The following OR4N2 variants were observed in gnomAD, a reference collection of about 807,000 sequenced individuals.
The protein encoded by OR4N2 is olfactory receptor family 4 subfamily N member 2.
For synonymous variants in OR4N2, 141 were observed against 140.4 expected (o/e 1.00, Z -0.03); for missense variants, 307 against 377.6 (o/e 0.81, Z 1.55).
chr14:19,820,486 G>C (rs1227080531), intron 1 of OR4N2, among the ~76,000 whole-genome samples: 1 of 152,212 alleles, frequency 6.6e-6, no homozygotes. Flanking sequence ...TCCCTTCAGA[G>C]ATGGCAGGCA....
intron 1 of OR4N2, among the ~76,000 whole-genome samples, chr14:19,814,239 T>C (rs1462353037): frequency 1.3e-5 from 2 of 152,246 alleles, no homozygotes; most frequent in African/African-American, 4.8e-5. Context: ...ATGTTTTTCA[T>C]CCTTGTTTTA....
At chr14:19,815,759 A>G (rs1300100456) in intron 1 of OR4N2, among the ~76,000 whole-genome samples, 1 of 150,700 alleles carries the variant, frequency 6.6e-6, no homozygotes, top group Non-Finnish European at 1.5e-5. Flanking sequence ...TGTTTTAGTC[A>G]TGAAGTCTTT....
At chr14:19,824,705 A>G (rs1190238889) in intron 1 of OR4N2, among the ~76,000 whole-genome samples, 1 of 152,226 alleles carries the variant, frequency 6.6e-6, no homozygotes. Flanking sequence ...GAACTTTATG[A>G]TGATGCATTT....
At chr14:19,804,189 C>T (rs1230163928) in intron 1 of OR4N2, among the ~76,000 whole-genome samples, 2 of 151,882 alleles carry the variant, frequency 1.3e-5, no homozygotes, top group East Asian at 1.9e-4. Context: ...TTTTGCATCT[C>T]AATTTCTTTC....
chr14:19,825,071 G>C (rs1394748376), intron 1 of OR4N2, among the ~76,000 whole-genome samples: 5 of 152,396 alleles, frequency 3.3e-5, no homozygotes, highest in Non-Finnish European at 7.3e-5. Flanking sequence ...GAAAGGTTAA[G>C]ACATGAGCAG....
At chr14:19,804,436 C>G (rs1307069771) in intron 1 of OR4N2, among the ~76,000 whole-genome samples, 1 of 152,164 alleles carries the variant, frequency 6.6e-6, no homozygotes, top group Non-Finnish European at 1.5e-5. Context: ...AATTTCTTGA[C>G]TTCTGCCTGA....
At chr14:19,803,933 G>T (rs1236931168) in intron 1 of OR4N2, 89 bp downstream of exon 1, 1 of 152,208 alleles carries the variant, frequency 6.6e-6, no homozygotes. Flanking sequence ...AATCTTAGGA[G>T]GTTGTATGTT....
At chr14:19,815,086 G>A (rs1280910095) in intron 1 of OR4N2, among the ~76,000 whole-genome samples, 1 of 152,250 alleles carries the variant, frequency 6.6e-6, no homozygotes, top group Non-Finnish European at 1.5e-5. Flanking sequence ...GGGCATTTGG[G>A]TTGGTTCCAA....
chr14:19,817,424 G>A (rs1339651419), intron 1 of OR4N2, among the ~76,000 whole-genome samples: 2 of 152,206 alleles, frequency 1.3e-5, no homozygotes, highest in Non-Finnish European at 2.9e-5. Flanking sequence ...TCTTGGGAGG[G>A]TGTATGTGCC....
Position 19,829,278 on chromosome 14 carries a change from G to A in OR4N2, c.*906G>A, listed in dbSNP as rs1245297248. ...TCCTAGCAAATTTTTATGACTTTTA[G>A]CTGTATGTTTGACCTTATTGCCAAT... On this transcript the variant is annotated 3_prime_UTR_variant, in exon 2 of 2. Transcript: ENST00000557677. The A allele has an allele frequency of 3.3e-5, 5 of 152,056 alleles. No individual in the cohort carries two copies. The highest frequency in any genetic ancestry group is 7.4e-5 in the Non-Finnish European group (5 of 68,022). The allele number at this position is 152,056 out of a possible 1,614,324, so 9.4% of individuals were successfully genotyped here. A position where few individuals can be genotyped will look rare whatever the true frequency, so the allele number is the denominator to read the frequency against.
chr14:19,819,602 T>A (rs1879512639), intron 1 of OR4N2, among the ~76,000 whole-genome samples: 1 of 152,362 alleles, frequency 6.6e-6, no homozygotes, highest in East Asian at 1.9e-4. Flanking sequence ...TTTTTCAAGG[T>A]TCTTAGCTTC....
At position 19,829,001 on chromosome 14, in the gene OR4N2, A is replaced by C. The variant is rs1426098777; in HGVS notation, c.*629A>C. On this transcript the variant is annotated 3_prime_UTR_variant, in exon 2 of 2. Transcript: ENST00000557677. ...AAGAAGCCATTCTGTGGCTTTAAGC[A>C]AAAGAGTGATTCCTCTACTGAAGGG... The C allele has an allele frequency of 6.5e-6, 1 of 153,360 alleles. No individual in the cohort carries two copies. Among genetic ancestry groups the C allele is most frequent in the African/African-American group, 2.4e-5 (1 of 41,478 alleles). The allele number at this position is 153,360 out of a possible 1,614,324, so 9.5% of individuals were successfully genotyped here.
intron 1 of OR4N2, among the ~76,000 whole-genome samples, chr14:19,825,998 A>G (rs1167460089): frequency 6.6e-6 from 1 of 152,266 alleles, no homozygotes; most frequent in Non-Finnish European, 1.5e-5. Context: ...TTTTTTGAAT[A>G]TATAACCTTA....
Position 19,830,205 on chromosome 14 carries a change from A to G in OR4N2, c.*1833A>G, listed in dbSNP as rs1879834396. The G allele has an allele frequency of 6.6e-6, 1 of 152,344 alleles. No individual in the cohort carries two copies. The highest frequency in any genetic ancestry group is 1.5e-5 in the Non-Finnish European group (1 of 68,122). 9.4% of individuals were successfully genotyped at this position (152,344 alleles called of 1,614,324 possible). A position where few individuals can be genotyped will look rare whatever the true frequency, so the allele number is the denominator to read the frequency against. ...TGTAACCACATTTCTTCCCTCCTAAATAAAACCTTCTTGCCACCTTTTCCC... is the reference window on the plus strand; with the variant it reads ...TGTAACCACATTTCTTCCCTCCTAAGTAAAACCTTCTTGCCACCTTTTCCC... On this transcript the variant is annotated 3_prime_UTR_variant, in exon 2 of 2. Coordinates refer to ENST00000557677, the MANE Select transcript of OR4N2 (RefSeq NM_001004723.3).
intron 1 of OR4N2, among the ~76,000 whole-genome samples, chr14:19,824,583 G>A (rs1473268755): frequency 2.6e-5 from 4 of 152,236 alleles, no homozygotes; most frequent in African/African-American, 9.6e-5. Flanking sequence ...AACCACACAG[G>A]TCCACTTATA....
intron 1 of OR4N2, among the ~76,000 whole-genome samples, chr14:19,821,755 T>A (rs1879572043): frequency 1.3e-5 from 2 of 152,274 alleles, no homozygotes; most frequent in Non-Finnish European, 2.9e-5. Flanking sequence ...TTGCCTTATT[T>A]ATTTGATAAC....
chr14:19,806,846 T>C lies in OR4N2; in HGVS notation c.-10+3002T>C, dbSNP rs758565717. ...CTCAATGCATTCAAAAACACTGAAA[T>C]CATCCCAGGCACATTCTTGAACCAC... On this transcript the variant is annotated intron_variant, in intron 1 of 1. Coordinates refer to ENST00000557677, the MANE Select transcript of OR4N2 (RefSeq NM_001004723.3). Among the ~76,000 whole-genome samples the C allele has an allele frequency of 8.5e-5, 13 of 152,206 alleles. No individual in the cohort carries two copies. In the Middle Eastern group the frequency reaches 0.01, roughly 119 times the overall value.
rs746867063 is a variant in OR4N2, at chr14:19,828,275, CAG to C, written c.828_829del (p.Val277AspfsTer26). 1.2e-6 allele frequency: 2 copies of C among 1,614,086 alleles called. No homozygotes were observed. Among genetic ancestry groups the C allele is most frequent in the East Asian group, 4.5e-5 (2 of 44,886 alleles). ...GACAAGGTGGTTTCTCTCTTCCACA[CAG>C]TGATTTTTCCTTTGTTGAATCCTGT... is the stretch of plus-strand genomic sequence containing the variant. On this transcript the variant is annotated frameshift_variant, in exon 2 of 2. Transcript: ENST00000557677. LOFTEE classifies it low-confidence loss of function (END_TRUNC).
In OR4N2 at chr14:19,828,004, A is replaced by G. The variant is rs778785031; in HGVS notation, c.556A>G (p.Lys186Glu). Residue 186 changes from lysine to glutamate, a missense_variant, in exon 2 of 2, where the codon AAG becomes GAG. Transcript: ENST00000557677. ...NFFCDVPQVI[K>E]LACTDTFVVE... ...CTTCTGTGATGTCCCACAGGTCATC[A>G]AGCTGGCCTGCACCGACACATTTGT... 1.2e-6 allele frequency: 2 copies of G among 1,614,214 alleles called. No homozygotes were observed. The highest frequency in any genetic ancestry group is 1.7e-6 in the Non-Finnish European group (2 of 1,180,044).
Sources: gnomAD v4.1 joint callset for allele counts (sites outside exome capture counted in the v4.1 genomes callset) on GRCh38, gnomAD v4.1.1 for gene constraint, MANE v1.5 for transcripts, NCBI Gene and HGNC (gene_info 2026-07-23, HGNC 2026-07-21) for gene names.